The following SFSWAP variants were observed in gnomAD, a reference collection of about 807,000 sequenced individuals.
SFSWAP encodes the protein splicing factor, suppressor of white-apricot homolog.
SFSWAP carries 17 observed loss-of-function variants against 100.7 expected under a neutral mutation model. The ratio of observed to expected loss-of-function variants is 0.17; its 90% CI spans 0.12 to 0.25. SFSWAP has a LOEUF of 0.25. SFSWAP is among the 10% of genes least tolerant of loss of function. The probability of loss-of-function intolerance (pLI) is 1.00; values close to 1 mark genes in which losing one functional copy is unlikely to be tolerated. For missense variants in SFSWAP, 1,005 were observed against 1,262.6 expected (o/e 0.80, Z 3.09); for synonymous variants, 504 against 510.1 (o/e 0.99, Z 0.16).
rs1029677474 is a variant in SFSWAP at position 131,725,289 on chromosome 12, C to A, written c.607-116C>A. The A allele has an allele frequency of 1.0e-5, 9 of 860,438 alleles. No homozygotes were observed. The African/African-American group carries it at 1.3e-4, about 13-fold the overall frequency. The allele number at this position is 860,438 out of a possible 1,614,324, so 53.3% of individuals were successfully genotyped here. A position where few individuals can be genotyped will look rare whatever the true frequency, so the allele number is the denominator to read the frequency against. ...AGCCTGGGCTCTTCCAGCTTAAAGT[C>A]TCGTATCTCTTAAAATTGACAGTAA... On this transcript the variant is annotated intron_variant, in intron 4 of 17. Transcript: ENST00000261674. This position sits in a 1 kb window ranked among gnomAD's most constrained non-coding sequence, Gnocchi z 4.3.
Position 131,755,246 on chromosome 12 carries a change from C to A in SFSWAP, c.1455-140C>A, listed in dbSNP as rs367904689. On this transcript the variant is annotated intron_variant, in intron 9 of 17. Transcript: ENST00000261674. ...TCGACCCCCTGTGTGCAGTCTCCCT[C>A]GTCTATAAGATGAGTAGCTAAAACA... 1.2e-4 allele frequency: 76 copies of A among 636,310 alleles called. No individual in the cohort carries two copies. The African/African-American group carries it at 1.4e-3, about 12-fold the overall frequency. 39.4% of individuals were successfully genotyped at this position (636,310 alleles called of 1,614,324 possible).
chr12:131,751,880 G>A (rs1261122555), intron 7 of SFSWAP, among the ~76,000 whole-genome samples: 2 of 152,212 alleles, frequency 1.3e-5, no homozygotes, highest in African/African-American at 4.8e-5. Context: ...TATCTGTGTT[G>A]ACGATAATGT....
At chr12:131,722,977 A>G (rs752144222) in intron 4 of SFSWAP, among the ~76,000 whole-genome samples, 32 of 152,134 alleles carry the variant, frequency 2.1e-4, no homozygotes, top group Admixed American at 5.2e-4. Flanking sequence ...AAATAACTCT[A>G]TGAAGCAAAT....
At chr12:131,764,802 G>A (rs894036944) in intron 12 of SFSWAP, 116 bp downstream of exon 12, 71 of 715,848 alleles carry the variant, frequency 9.9e-5, no homozygotes, top group African/African-American at 2.9e-4. Flanking sequence ...TTTGGAAATC[G>A]ACCTATTTGG....
intron 15 of SFSWAP, among the ~76,000 whole-genome samples, chr12:131,792,119 C>G (rs1885282939): frequency 6.8e-6 from 1 of 148,060 alleles, no homozygotes; most frequent in Non-Finnish European, 1.5e-5. Context: ...CGGATCAGTA[C>G]TGTGTGTGTG....
At chr12:131,743,358 TGGGG>T (rs1225902862) in intron 7 of SFSWAP, among the ~76,000 whole-genome samples, 1 of 152,200 alleles carries the variant, frequency 6.6e-6, no homozygotes, top group Non-Finnish European at 1.5e-5. Flanking sequence ...CTAAATATAA[TGGGG>T]GTACAGGCAT....
intron 14 of SFSWAP, chr12:131,784,929 T>G: frequency 1.9e-6 from 1 of 532,450 alleles, no homozygotes. Flanking sequence ...TTTTTCCTGA[T>G]TATTGAGTTT....
At position 131,714,027 on chromosome 12, in the gene SFSWAP, T is replaced by C. The variant is rs1877654901; in HGVS notation, c.219-44T>C. 2 of 1,526,600 alleles carry C rather than the reference T, an allele frequency of 1.3e-6. No homozygotes were observed. The highest frequency in any genetic ancestry group is 9.1e-7 in the Non-Finnish European group (1 of 1,104,172). The allele number at this position is 1,526,600 out of a possible 1,614,324, so 94.6% of individuals were successfully genotyped here. A position where few individuals can be genotyped will look rare whatever the true frequency, so the allele number is the denominator to read the frequency against. On this transcript the variant is annotated intron_variant, in intron 1 of 17. Transcript: ENST00000261674. The surrounding 1 kb of genome is among the most constrained non-coding windows in gnomAD (Gnocchi z 6.0). ...AAAACATCACACACGCACACCAGTCTAGACGTTAATTTCCTTTTATTGACC... is the reference window on the plus strand; with the variant it reads ...AAAACATCACACACGCACACCAGTCCAGACGTTAATTTCCTTTTATTGACC...
At chr12:131,798,675 A>C (rs1174497318) in intron 16 of SFSWAP, among the ~76,000 whole-genome samples, 1 of 152,224 alleles carries the variant, frequency 6.6e-6, no homozygotes, top group Non-Finnish European at 1.5e-5. Flanking sequence ...GGATCACCTG[A>C]GGTCAGGAGT....
intron 8 of SFSWAP, 121 bp downstream of exon 8, chr12:131,753,484 G>T: frequency 7.9e-7 from 1 of 1,270,132 alleles, no homozygotes; most frequent in South Asian, 1.8e-5. Context: ...CCCATTGTCT[G>T]AGTAGTTATT....
At chr12:131,746,943 A>G (rs1177008274) in intron 7 of SFSWAP, among the ~76,000 whole-genome samples, 8 of 152,032 alleles carry the variant, frequency 5.3e-5, no homozygotes, top group Non-Finnish European at 1.2e-4. Context: ...TCTCTACTAA[A>G]AATACAAAAA....
intron 13 of SFSWAP, among the ~76,000 whole-genome samples, chr12:131,768,027 G>A (rs182271206): frequency 6.3e-4 from 96 of 152,366 alleles, no homozygotes; most frequent in African/African-American, 2.2e-3. Flanking sequence ...AGCACCCCAG[G>A]CGATTGCATG....
At chr12:131,791,402 C>T (rs963598335) in intron 15 of SFSWAP, among the ~76,000 whole-genome samples, 1 of 151,412 alleles carries the variant, frequency 6.6e-6, no homozygotes, top group African/African-American at 2.4e-5. Context: ...GAAAAATAAA[C>T]GAAACTTTTC....
intron 6 of SFSWAP, 35 bp downstream of exon 6, chr12:131,727,087 C>A: frequency 8.1e-7 from 1 of 1,233,860 alleles, no homozygotes; most frequent in Non-Finnish European, 1.2e-6. Flanking sequence ...ATTTTTATGC[C>A]ACCACAAAAC....
intron 4 of SFSWAP, among the ~76,000 whole-genome samples, chr12:131,724,084 A>G (rs1878734652): frequency 6.6e-6 from 1 of 152,228 alleles, no homozygotes; most frequent in Non-Finnish European, 1.5e-5. Flanking sequence ...CAGGGTTGGT[A>G]GCCAACCTTG....
At chr12:131,715,020 T>C in intron 3 of SFSWAP, 67 bp downstream of exon 3, 2 of 1,557,400 alleles carry the variant, frequency 1.3e-6, no homozygotes, top group South Asian at 2.2e-5. Context: ...GCATGCACCG[T>C]GGTCCAGTCT....
intron 11 of SFSWAP, among the ~76,000 whole-genome samples, chr12:131,760,238 A>T (rs1292973155): frequency 6.6e-6 from 1 of 152,220 alleles, no homozygotes; most frequent in East Asian, 1.9e-4. Flanking sequence ...TGGCCTGAAT[A>T]AAGTTAAAAG....
At chr12:131,774,068 A>C (rs1398769154) in intron 13 of SFSWAP, among the ~76,000 whole-genome samples, 5 of 152,172 alleles carry the variant, frequency 3.3e-5, no homozygotes, top group African/African-American at 1.2e-4. Context: ...AGAATAAGTG[A>C]GCACGAGAGA....
intron 14 of SFSWAP, chr12:131,784,992 C>A: frequency 8.6e-7 from 1 of 1,158,420 alleles, no homozygotes; most frequent in Non-Finnish European, 1.2e-6. Flanking sequence ...TTTGAATAAG[C>A]AGAGCTTTTT....
Sources: allele counts gnomAD v4.1 joint callset (sites outside exome capture counted in the v4.1 genomes callset), GRCh38; gene constraint gnomAD v4.1.1; non-coding constraint Gnocchi (gnomAD v3.1); transcripts MANE v1.5; gene names NCBI Gene and HGNC (gene_info 2026-07-23, HGNC 2026-07-21).